Variants in FCHSD2 observed in about 807,000 individuals in gnomAD.
The protein encoded by FCHSD2 is FCH and double SH3 domains 2.
In FCHSD2, 38 loss-of-function variants were observed where a neutral mutation model predicts 108.1. The observed-to-expected ratio is 0.35, with a 90% CI of 0.27 to 0.46. FCHSD2 has a LOEUF of 0.46. Ranked by LOEUF, FCHSD2 falls within the 20% of genes least tolerant of loss-of-function variation. The pLI, the probability that FCHSD2 is intolerant of heterozygous loss-of-function variation, is 1.00. For synonymous variants in FCHSD2, 279 were observed against 314.7 expected, an observed-to-expected ratio of 0.89 and a Z score of 1.20; for missense variants, 751 against 897.8, an observed-to-expected ratio of 0.84 and a Z score of 2.09.
At chr11:73,119,626 T>C (rs904694900) in intron 2 of FCHSD2, among the ~76,000 whole-genome samples, 1 of 152,082 alleles carries the variant, frequency 6.6e-6, no homozygotes, top group South Asian at 2.1e-4. Flanking sequence ...TTTTTTATTT[T>C]TTTGTAGAGA....
intron 2 of FCHSD2, among the ~76,000 whole-genome samples, chr11:73,123,227 T>C (rs559973588): frequency 2.0e-5 from 3 of 152,242 alleles, no homozygotes; most frequent in Non-Finnish European, 2.9e-5. Context: ...ATTTTTGACC[T>C]ATGACAAATT....
intron 2 of FCHSD2, among the ~76,000 whole-genome samples, chr11:73,096,729 A>G (rs1051483502): frequency 6.6e-6 from 1 of 151,834 alleles, no homozygotes; most frequent in African/African-American, 2.4e-5. Flanking sequence ...TGAGCTTGTC[A>G]TATGTGCCCT....
chr11:72,902,439 G>A, intron 10 of FCHSD2, 104 bp downstream of exon 10: 1 of 614,128 alleles, frequency 1.6e-6, no homozygotes, highest in Non-Finnish European at 2.8e-6. Flanking sequence ...TAAAATTGAT[G>A]AGATATACTC....
chr11:72,942,465 G>GA (rs1458645037), intron 8 of FCHSD2, among the ~76,000 whole-genome samples: 2 of 152,102 alleles, frequency 1.3e-5, no homozygotes, highest in Admixed American at 6.5e-5. Context: ...TATTTTATGT[G>GA]AAAAAATAAA....
At chr11:73,056,692 AC>A (rs768212132) in intron 3 of FCHSD2, among the ~76,000 whole-genome samples, 3 of 152,220 alleles carry the variant, frequency 2.0e-5, no homozygotes, top group Non-Finnish European at 2.9e-5. Flanking sequence ...GCATAACAGA[AC>A]AATAAGTCAT....
chr11:72,896,579 C>T (rs1167951555), intron 10 of FCHSD2, among the ~76,000 whole-genome samples: 2 of 151,606 alleles, frequency 1.3e-5, no homozygotes, highest in Non-Finnish European at 1.5e-5. Context: ...CCAAGAAGGC[C>T]GTTGATGAGA....
At chr11:73,100,332 CTTT>C (rs762188472) in intron 2 of FCHSD2, among the ~76,000 whole-genome samples, 34 of 126,658 alleles carry the variant, frequency 2.7e-4, no homozygotes, top group Admixed American at 1.4e-3. Flanking sequence ...GCTTTACATG[CTTT>C]TGTTGTTGTT....
chr11:73,024,234 C>T (rs1858176295), intron 3 of FCHSD2, among the ~76,000 whole-genome samples: 1 of 151,974 alleles, frequency 6.6e-6, no homozygotes, highest in Admixed American at 6.6e-5. Flanking sequence ...AATTGTATTA[C>T]AAAATGTGAG....
intron 2 of FCHSD2, among the ~76,000 whole-genome samples, chr11:73,119,929 G>A (rs1219734896): frequency 6.6e-6 from 1 of 152,200 alleles, no homozygotes; most frequent in Non-Finnish European, 1.5e-5. Context: ...ACAAAAGAAA[G>A]AAGTTTAATT....
intron 8 of FCHSD2, among the ~76,000 whole-genome samples, chr11:72,959,049 C>CACATCTCCTT (rs1178268454): frequency 4.0e-5 from 6 of 151,504 alleles, no homozygotes; most frequent in African/African-American, 1.5e-4. Context: ...GCATGGGACA[C>CACATCTCCTT]ACATCTCCTT....
intron 19 of FCHSD2, among the ~76,000 whole-genome samples, chr11:72,839,990 C>T (rs7110183): frequency 0.15 from 23,274 of 152,120 alleles, 2,133 homozygotes; most frequent in Non-Finnish European, 0.21. Context: ...AGAAAGCAAA[C>T]GAGGCAAATG....
intron 3 of FCHSD2, among the ~76,000 whole-genome samples, chr11:73,067,860 TAA>T (rs1422116953): frequency 6.6e-6 from 1 of 152,186 alleles, no homozygotes; most frequent in Non-Finnish European, 1.5e-5. Context: ...ACACTGCTGA[TAA>T]AGACATACTC....
chr11:72,900,352 G>A, intron 10 of FCHSD2: 2 of 1,509,570 alleles, frequency 1.3e-6, no homozygotes, highest in Non-Finnish European at 1.8e-6. Context: ...ATTGCACAAG[G>A]ACAAAAAACA....
intron 9 of FCHSD2, among the ~76,000 whole-genome samples, chr11:72,903,317 T>A (rs4944018): frequency 6.6e-6 from 1 of 152,040 alleles, no homozygotes; most frequent in African/African-American, 2.4e-5. Flanking sequence ...CCCGGGTTCA[T>A]GCCATTCTCC....
At chr11:73,059,300 C>T (rs951605127) in intron 3 of FCHSD2, among the ~76,000 whole-genome samples, 24 of 151,652 alleles carry the variant, frequency 1.6e-4, no homozygotes, top group African/African-American at 5.3e-4. Flanking sequence ...AACCCCCATA[C>T]CAGAAAAGGA....
intron 2 of FCHSD2, among the ~76,000 whole-genome samples, chr11:73,091,563 A>T (rs530825350): frequency 2.5e-4 from 38 of 151,854 alleles, no homozygotes; most frequent in Non-Finnish European, 4.6e-4. Flanking sequence ...AAAAGAAAAA[A>T]GAAAAGAAAG....
chr11:72,859,131 T>A (rs77907627), intron 13 of FCHSD2, among the ~76,000 whole-genome samples: 1 of 152,160 alleles, frequency 6.6e-6, no homozygotes, highest in Non-Finnish European at 1.5e-5. Flanking sequence ...TCTCCCCTTA[T>A]GTGTGGTTTG....
chr11:72,937,065 T>G (rs1414827142), intron 8 of FCHSD2, among the ~76,000 whole-genome samples: 1 of 152,102 alleles, frequency 6.6e-6, no homozygotes, highest in African/African-American at 2.4e-5. Flanking sequence ...TACCATCCAA[T>G]AGCAAAGAGG....
chr11:72,995,708 CAAAAAAAA>C (rs760202806), intron 5 of FCHSD2, among the ~76,000 whole-genome samples: 2 of 63,090 alleles, frequency 3.2e-5, no homozygotes, highest in African/African-American at 1.1e-4. Context: ...AATTCTGTCT[CAAAAAAAA>C]AAAAAAAAGG....
Sources: gnomAD v4.1 joint callset for allele counts (sites outside exome capture counted in the v4.1 genomes callset) on GRCh38, gnomAD v4.1.1 for gene constraint, MANE v1.5 for transcripts, NCBI Gene and HGNC (gene_info 2026-07-23, HGNC 2026-07-21) for gene names.